The following FGD3 variants were observed in gnomAD, a reference collection of about 807,000 sequenced individuals.
FGD3 encodes the protein FYVE, RhoGEF and PH domain containing 3.
FGD3 carries 45 observed loss-of-function variants against 71.8 expected under a neutral mutation model. The ratio of observed to expected loss-of-function variants is 0.63; its 90% CI spans 0.49 to 0.80. FGD3 has a LOEUF of 0.80. Ranked by LOEUF, FGD3 falls within the 30% of genes least tolerant of loss-of-function variation. The pLI is 0.00. For synonymous variants in FGD3, 378 were observed against 392.8 expected (o/e 0.96, Z 0.44); for missense variants, 844 against 951.5 (o/e 0.89, Z 1.49).
intron 3 of FGD3, among the ~76,000 whole-genome samples, chr9:92,991,098 TGA>T (rs911501544): frequency 2.0e-5 from 3 of 152,118 alleles, no homozygotes; most frequent in African/African-American, 7.2e-5. Context: ...TGTTTGTTTT[TGA>T]GAGAGTCTCA....
chr9:93,034,413 C>A, intron 16 of FGD3, 128 bp from the exon 17 acceptor site: 2 of 1,262,276 alleles, frequency 1.6e-6, no homozygotes, highest in Non-Finnish European at 2.2e-6. Context: ...AGTCTCTGTG[C>A]AGATCTTGGC....
At position 93,006,142 on chromosome 9, in the gene FGD3, C is replaced by A. The variant is rs1428157102; in HGVS notation, c.799C>A (p.Arg267Ser). The stretch of plus-strand genomic sequence containing the variant: ...AGGGCTGGTGAGCACGTGGACCCAG[C>A]GCTCCCCACTGTTTAAAGACGTCGT... ...AVGLVSTWTQ[R>S]SPLFKDVVHS... Residue 267 changes from arginine to serine, a missense_variant, in exon 6 of 18, where the codon CGC becomes AGC. By Grantham distance (110) the Arg-to-Ser change is moderately radical (BLOSUM62 -1). Transcript: ENST00000375482. 1.2e-6 allele frequency: 2 copies of A among 1,608,342 alleles called. No homozygotes were observed. Among genetic ancestry groups the A allele is most frequent in the South Asian group, 2.2e-5 (2 of 90,336 alleles).
At chr9:92,960,111 A>C (rs1859142279) in intron 1 of FGD3, among the ~76,000 whole-genome samples, 4 of 147,608 alleles carry the variant, frequency 2.7e-5, no homozygotes, top group Non-Finnish European at 6.0e-5. Flanking sequence ...CTCTTTCCCC[A>C]TTTTCTCATG....
chr9:93,026,163 C>A (rs1022775870), intron 14 of FGD3, among the ~76,000 whole-genome samples: 3 of 152,180 alleles, frequency 2.0e-5, no homozygotes, highest in Non-Finnish European at 2.9e-5. Flanking sequence ...GAGGGGGCAG[C>A]CCCGTTGGCC....
chr9:92,996,959 C>T (rs577530102), intron 3 of FGD3, among the ~76,000 whole-genome samples: 14 of 152,116 alleles, frequency 9.2e-5, no homozygotes, highest in Non-Finnish European at 1.9e-4. Flanking sequence ...TTCTGTTGAT[C>T]TGGGGTGTAG....
chr9:92,966,004 C>T (rs1356824163), intron 1 of FGD3, among the ~76,000 whole-genome samples: 1 of 152,194 alleles, frequency 6.6e-6, no homozygotes, highest in Non-Finnish European at 1.5e-5. Context: ...AGAGCAGAGC[C>T]GGGCACTGTG....
At chr9:93,010,204 C>A in intron 6 of FGD3, 42 bp from the exon 7 acceptor site, 1 of 1,564,012 alleles carries the variant, frequency 6.4e-7, no homozygotes, top group South Asian at 1.2e-5. Context: ...GGCATCCACA[C>A]ACGTGTCCTT....
At chr9:92,991,572 A>G (rs574197323) in intron 3 of FGD3, among the ~76,000 whole-genome samples, 15 of 152,332 alleles carry the variant, frequency 9.8e-5, no homozygotes, top group African/African-American at 3.1e-4. Flanking sequence ...GTGTCCTAAC[A>G]TATTGTCAGT....
chr9:92,983,039 T>G (rs1273874166), intron 3 of FGD3, among the ~76,000 whole-genome samples: 1 of 151,344 alleles, frequency 6.6e-6, no homozygotes, highest in Non-Finnish European at 1.5e-5. Flanking sequence ...TGAGCTGAGA[T>G]CGTACCACTG....
At chr9:93,017,525 G>A (rs1861747591) in intron 10 of FGD3, among the ~76,000 whole-genome samples, 1 of 151,772 alleles carries the variant, frequency 6.6e-6, no homozygotes, top group Non-Finnish European at 1.5e-5. Flanking sequence ...TGGAACAGGC[G>A]TGAGCTACTG....
At chr9:93,000,206 C>A (rs1393505896) in intron 3 of FGD3, among the ~76,000 whole-genome samples, 1 of 152,150 alleles carries the variant, frequency 6.6e-6, no homozygotes, top group Admixed American at 6.5e-5. Context: ...TGCAAAAACT[C>A]TACTCTTTTA....
intron 5 of FGD3, among the ~76,000 whole-genome samples, chr9:93,004,724 C>G (rs1007891240): frequency 6.6e-6 from 1 of 152,144 alleles, no homozygotes; most frequent in African/African-American, 2.4e-5. Context: ...CTTAGGGTCT[C>G]TACTGCCTGT....
intron 16 of FGD3, 197 bp from the exon 17 acceptor site, chr9:93,034,344 C>A: frequency 1.7e-6 from 1 of 584,616 alleles, no homozygotes; most frequent in Non-Finnish European, 2.8e-6. Context: ...TCTGATACCA[C>A]ACATGCCTAT....
intron 3 of FGD3, among the ~76,000 whole-genome samples, chr9:92,990,330 T>C (rs982563080): frequency 7.2e-5 from 11 of 152,130 alleles, no homozygotes; most frequent in African/African-American, 2.4e-4. Flanking sequence ...TGAGATCCTG[T>C]ATCAAAAAAA....
Position 93,021,391 on chromosome 9 carries a change from G to A in FGD3, c.1495-936G>A, listed in dbSNP as rs370116347. On this transcript the variant is annotated intron_variant, in intron 13 of 17. Transcript: ENST00000375482. Reference sequence around the variant, plus strand: ...GGCTGCAGCCCCAGGGCCAATCCCCGGCCATTTCTCCTCCCGGGGCTTCCC... The same window carrying A: ...GGCTGCAGCCCCAGGGCCAATCCCCAGCCATTTCTCCTCCCGGGGCTTCCC... Among the ~76,000 whole-genome samples, 5 of 152,258 alleles carry A rather than the reference G, an allele frequency of 3.3e-5. No individual in the cohort carries two copies. In the East Asian group the frequency reaches 5.8e-4, roughly 18 times the overall value.
chr9:93,007,750 C>T (rs936769348), intron 6 of FGD3, among the ~76,000 whole-genome samples: 4 of 152,236 alleles, frequency 2.6e-5, no homozygotes, highest in African/African-American at 7.2e-5. Context: ...GAGGGCTCTC[C>T]GCCTGGACTC....
intron 3 of FGD3, among the ~76,000 whole-genome samples, chr9:92,985,271 G>A (rs1282468924): frequency 6.6e-6 from 1 of 152,204 alleles, no homozygotes; most frequent in Non-Finnish European, 1.5e-5. Context: ...CAGTAGTTAA[G>A]CCTGCCTCTG....
intron 16 of FGD3, chr9:93,033,171 G>A (rs923588626): frequency 5.1e-5 from 23 of 454,700 alleles, no homozygotes; most frequent in Admixed American, 9.8e-5. Flanking sequence ...GATTGAAGCT[G>A]CCCTCAAGTC....
chr9:93,022,213 C>T (rs41273408), intron 13 of FGD3, 114 bp from the exon 14 acceptor site: 62,639 of 1,026,804 alleles, frequency 0.061, 2,681 homozygotes, highest in East Asian at 0.16. Flanking sequence ...ATCCTGCTCC[C>T]GAGCCTGCCC....
Sources: gnomAD v4.1 joint callset for allele counts (sites outside exome capture counted in the v4.1 genomes callset) on GRCh38, gnomAD v4.1.1 for gene constraint, MANE v1.5 for transcripts, NCBI Gene and HGNC (gene_info 2026-07-23, HGNC 2026-07-21) for gene names.